G2E3: variants seen among roughly 807,000 people sequenced by gnomAD.
G2E3 encodes the protein G2/M-phase specific E3 ubiquitin protein ligase, also known as G2/M phase-specific E3 ubiquitin-protein ligase.
Under a neutral mutation model 92.8 loss-of-function variants are expected in G2E3, and 35 were observed. That is an observed-to-expected ratio of 0.38 (90% confidence interval 0.29 to 0.50). The LOEUF is 0.50. G2E3 is among the 20% of genes least tolerant of loss of function. G2E3 has a pLI of 0.94. For synonymous variants in G2E3, 242 were observed against 272.4 expected (o/e 0.89, Z 1.10); for missense variants, 554 against 823.8 (o/e 0.67, Z 4.01).
chr14:30,605,043 T>C (rs1881764003), intron 10 of G2E3, among the ~76,000 whole-genome samples: 1 of 152,156 alleles, frequency 6.6e-6, no homozygotes, highest in South Asian at 2.1e-4. Context: ...ATTACAGGCA[T>C]ACGCCACGAC....
chr14:30,615,354 A>T lies in G2E3; in HGVS notation c.1679A>T (p.Lys560Met). 1 of 1,568,810 alleles carries T rather than the reference A, an allele frequency of 6.4e-7. No individual in the cohort carries two copies. The change falls in exon 14 of 15, where the codon AAG (lysine) becomes ATG (methionine). Residue 560 changes from lysine (K) to methionine (M), a missense_variant. This residue lies in a region of G2E3 where 397 missense variants were observed against 560.3 expected (regional missense o/e 0.71). Coordinates refer to ENST00000206595, the MANE Select transcript of G2E3 (RefSeq NM_017769.5). ...ATTATTTTTCTTCTCTTAAGTTTTA[A>T]GCAGGGTCTGAAAACCCTTGGTGTT... ...QRVHTPFESF[K>M]QGLKTLGVLE...
rs1245373228 is a variant in G2E3 at position 30,618,301 on chromosome 14, T to A, written c.*1767T>A. 6.6e-6 allele frequency: 1 copy of A among 152,122 alleles called. No homozygotes were observed. The highest frequency in any genetic ancestry group is 2.4e-5 in the African/African-American group (1 of 41,446). The allele number at this position is 152,122 out of a possible 1,614,324, so 9.4% of individuals were successfully genotyped here. A position where few individuals can be genotyped will look rare whatever the true frequency, so the allele number is the denominator to read the frequency against. The stretch of plus-strand genomic sequence containing the variant: ...TCAATTATCAAAGAGTTTGAATAGC[T>A]AATATAAACCCCAAAGTCACCATAC... On this transcript the variant is annotated 3_prime_UTR_variant, in exon 15 of 15. Transcript: ENST00000206595.
intron 4 of G2E3, among the ~76,000 whole-genome samples, chr14:30,592,059 A>C (rs929224055): frequency 1.3e-5 from 2 of 152,174 alleles, no homozygotes; most frequent in Non-Finnish European, 2.9e-5. Flanking sequence ...GTAGGAAGGA[A>C]AAGGGGCTTC....
At chr14:30,607,187 C>T (rs1052632498) in intron 11 of G2E3, among the ~76,000 whole-genome samples, 7 of 151,852 alleles carry the variant, frequency 4.6e-5, no homozygotes, top group African/African-American at 1.5e-4. Flanking sequence ...AAAAAGTTTA[C>T]AATATAATAA....
chr14:30,580,818 G>T (rs529079807), intron 1 of G2E3: 2 of 387,478 alleles, frequency 5.2e-6, no homozygotes, highest in Admixed American at 4.5e-5. Context: ...TATAATCCTG[G>T]CCTCTTTCCA....
At chr14:30,566,286 C>T (rs994328670) in intron 1 of G2E3, among the ~76,000 whole-genome samples, 2 of 152,144 alleles carry the variant, frequency 1.3e-5, no homozygotes, top group Admixed American at 6.5e-5. Context: ...CAAAAAAAGG[C>T]CATCGGGATT....
At chr14:30,559,492 C>G (rs1878960265) in intron 1 of G2E3, 1 of 152,200 alleles carries the variant, frequency 6.6e-6, no homozygotes, top group Admixed American at 6.5e-5. Flanking sequence ...CCAGCCAGCT[C>G]TCAGTGTTGA....
chr14:30,564,829 A>G (rs940034752), intron 1 of G2E3, among the ~76,000 whole-genome samples: 9 of 152,196 alleles, frequency 5.9e-5, no homozygotes, highest in Non-Finnish European at 8.8e-5. Flanking sequence ...TAATCATTCT[A>G]TGGATATACC....
chr14:30,601,624 G>A lies in G2E3; in HGVS notation c.753-146G>A, dbSNP rs1028251053. 77 of 719,150 alleles carry A rather than the reference G, an allele frequency of 1.1e-4. No homozygotes were observed. In the South Asian group the frequency reaches 1.4e-3, roughly 13 times the overall value. The allele number at this position is 719,150 out of a possible 1,614,324, so 44.5% of individuals were successfully genotyped here. ...TTTTACATTAGAGATATTTAGAGAA[G>A]CAGATAATCTTTTTCTTCCTTTAGT... On this transcript the variant is annotated intron_variant, in intron 8 of 14. Transcript: ENST00000206595.
At chr14:30,575,663 A>G (rs1880038944) in intron 1 of G2E3, among the ~76,000 whole-genome samples, 1 of 152,238 alleles carries the variant, frequency 6.6e-6, no homozygotes. Context: ...AAACAACTTC[A>G]GCAAAGTTGC....
chr14:30,602,837 C>T (rs1437562976), intron 10 of G2E3: 6 of 152,274 alleles, frequency 3.9e-5, no homozygotes, highest in Admixed American at 2.0e-4. Flanking sequence ...GTCTTGAACT[C>T]CTGGTCTCAA....
intron 13 of G2E3, 22 bp from the exon 14 acceptor site, chr14:30,615,309 ACATGTATGAATGTTGGCT>A (rs1882262128): frequency 6.0e-6 from 6 of 1,003,336 alleles, no homozygotes; most frequent in Non-Finnish European, 8.9e-6. Context: ...TACCAAACAC[ACATGTATGAATGTTGGCT>A]CATTATTTTT....
In G2E3 at chr14:30,618,212, A is replaced by G. The variant is rs1373369518; in HGVS notation, c.*1678A>G. On this transcript the variant is annotated 3_prime_UTR_variant, in exon 15 of 15. Coordinates refer to ENST00000206595, the MANE Select transcript of G2E3 (RefSeq NM_017769.5). ...ACTTTAACTTGAAATATTTAAGAACATTAAACAAGACATTTCTTTGGCTTT... is the reference window on the plus strand; with the variant it reads ...ACTTTAACTTGAAATATTTAAGAACGTTAAACAAGACATTTCTTTGGCTTT... 6.6e-6 allele frequency: 1 copy of G among 152,110 alleles called. No homozygotes were observed. The highest frequency in any genetic ancestry group is 2.4e-5 in the African/African-American group (1 of 41,454). 9.4% of individuals were successfully genotyped at this position (152,110 alleles called of 1,614,324 possible).
chr14:30,564,552 G>T (rs187843772), intron 1 of G2E3, among the ~76,000 whole-genome samples: 2 of 151,980 alleles, frequency 1.3e-5, no homozygotes, highest in African/African-American at 4.8e-5. Flanking sequence ...CAGGCTGGTT[G>T]CAAACACCTA....
At position 30,608,012 on chromosome 14, in the gene G2E3, T is replaced by C; in HGVS notation, c.1443T>C (p.Asn481=). 8 of 1,604,226 alleles carry C rather than the reference T, an allele frequency of 5.0e-6. No individual in the cohort carries two copies. Among genetic ancestry groups the C allele is most frequent in the Non-Finnish European group, 6.8e-6 (8 of 1,176,724 alleles). ...ACTGCCTTGTTTATGGACCAGAAAA[T>C]ACCCAGCCAATTTTAGATGATGTTT... ...LFNCLVYGPE[N]TQPILDDVSD... is the part of the protein sequence containing the mutation. The change falls in exon 12 of 15, where the codon AAT becomes AAC. Residue 481 remains asparagine (N), a synonymous_variant. Coordinates refer to ENST00000206595, the MANE Select transcript of G2E3 (RefSeq NM_017769.5).
At chr14:30,613,257 T>C (rs1246725127) in intron 13 of G2E3, among the ~76,000 whole-genome samples, 1 of 152,180 alleles carries the variant, frequency 6.6e-6, no homozygotes, top group African/African-American at 2.4e-5. Context: ...CCCTTGTTAT[T>C]GACTCCAGTA....
chr14:30,586,885 A>G, intron 3 of G2E3, 70 bp downstream of exon 3: 1 of 491,826 alleles, frequency 2.0e-6, no homozygotes. Flanking sequence ...TCTGACACTG[A>G]TTTCTGAGAA....
At position 30,581,118 on chromosome 14, in the gene G2E3, T is replaced by C; in HGVS notation, c.37+2T>C. The stretch of plus-strand genomic sequence containing the variant: ...AACCTGGTGACTCACAGAACCTTGG[T>C]AAGTAACTGTATTTAAAATAATTTT... On this transcript the variant is annotated splice_donor_variant, in intron 2 of 14. Transcript: ENST00000206595. LOFTEE classifies it high-confidence loss of function. The C allele has an allele frequency of 1.4e-6, 2 of 1,429,040 alleles. No homozygotes were observed. Among genetic ancestry groups the C allele is most frequent in the Non-Finnish European group, 2.0e-6 (2 of 1,014,192 alleles). 88.5% of individuals were successfully genotyped at this position (1,429,040 alleles called of 1,614,324 possible). A position where few individuals can be genotyped will look rare whatever the true frequency, so the allele number is the denominator to read the frequency against.
chr14:30,583,586 A>G (rs1024872388), intron 2 of G2E3, among the ~76,000 whole-genome samples: 1 of 152,190 alleles, frequency 6.6e-6, no homozygotes, highest in Non-Finnish European at 1.5e-5. Context: ...AGTTCAAGAG[A>G]TCTGTTGTAC....
Sources: allele counts gnomAD v4.1 joint callset (sites outside exome capture counted in the v4.1 genomes callset), GRCh38; gene constraint gnomAD v4.1.1; regional missense constraint gnomAD v4.1.1; transcripts MANE v1.5; gene names NCBI Gene and HGNC (gene_info 2026-07-23, HGNC 2026-07-21).